The following ZDHHC24 variants were observed in gnomAD, a reference collection of about 807,000 sequenced individuals.
The protein encoded by ZDHHC24 is zDHHC palmitoyltransferase 24.
A neutral mutation model predicts 23.2 loss-of-function variants in ZDHHC24; 17 were observed. The ratio of observed to expected loss-of-function variants is 0.73; its 90% confidence interval spans 0.50 to 1.10. The LOEUF is 1.10. Among genes scored for constraint, ZDHHC24 ranks in the 50% least tolerant of loss-of-function variants. The pLI is 0.00. For missense variants in ZDHHC24, 366 were observed against 393.0 expected, an observed-to-expected ratio of 0.93 and a Z score of 0.58; for synonymous variants, 186 against 194.5, an observed-to-expected ratio of 0.96 and a Z score of 0.36.
intron 4 of ZDHHC24, chr11:66,526,039 T>C: frequency 8.3e-7 from 1 of 1,210,204 alleles, no homozygotes; most frequent in Non-Finnish European, 1.2e-6. Context: ...TCACCTATTA[T>C]ATCTGGGGCC....
At position 66,539,574 on chromosome 11, in the gene ZDHHC24, C is replaced by A; in HGVS notation, c.810G>T (p.Gly270=). 6.2e-7 allele frequency: 1 copy of A among 1,608,950 alleles called. No individual in the cohort carries two copies. The highest frequency in any genetic ancestry group is 8.5e-7 in the Non-Finnish European group (1 of 1,177,378). ...PFLASPLPGD[G]ITFQTTADVG... ...CATCTGCTGTGGTCTGGAAGGTGAT[C>A]CCATCCCCAGGCAATGGGGAGGCCA... Residue 270 remains glycine, a synonymous_variant, in exon 3 of 3, where the codon GGG becomes GGT. Coordinates refer to ENST00000310442, the MANE Select transcript of ZDHHC24 (RefSeq NM_207340.3).
At position 66,539,132 on chromosome 11, in the gene ZDHHC24, G is replaced by A. The variant is rs773395868; in HGVS notation, c.*397C>T. The stretch of plus-strand genomic sequence containing the variant: ...CCCCACCCCCAACTCACCCAGGCCA[G>A]GGGAGGTAGAGCCCCAGCCCCTGAG... On this transcript the variant is annotated 3_prime_UTR_variant, in exon 3 of 3. Coordinates refer to ENST00000310442, the MANE Select transcript of ZDHHC24 (RefSeq NM_207340.3). 11 of 694,046 alleles carry A rather than the reference G, an allele frequency of 1.6e-5. No individual in the cohort carries two copies. Among genetic ancestry groups the A allele is most frequent in the Non-Finnish European group, 1.8e-5 (10 of 559,706 alleles). The allele number at this position is 694,046 out of a possible 1,614,324, so 43.0% of individuals were successfully genotyped here. A position where few individuals can be genotyped will look rare whatever the true frequency, so the allele number is the denominator to read the frequency against.
intron 2 of ZDHHC24, among the ~76,000 whole-genome samples, chr11:66,541,712 G>A (rs1030350924): frequency 1.5e-4 from 23 of 152,278 alleles, no homozygotes; most frequent in Non-Finnish European, 2.4e-4. Context: ...CCCAGCCATC[G>A]GTGATGCCAG....
chr11:66,531,662 T>C (rs1727051374), downstream of ZDHHC24: 2 of 1,613,956 alleles, frequency 1.2e-6, no homozygotes, highest in Non-Finnish European at 1.7e-6. Context: ...TTAGGTACCC[T>C]TGCTGGTGCC....
chr11:66,530,844 G>A, downstream of ZDHHC24: 1 of 1,613,758 alleles, frequency 6.2e-7, no homozygotes, highest in African/African-American at 1.3e-5. Context: ...TGTACTCCGT[G>A]CCCAAGGCTG....
At chr11:66,527,116 C>T in intron 3 of ZDHHC24, 1 of 1,149,298 alleles carries the variant, frequency 8.7e-7, no homozygotes, top group Non-Finnish European at 1.3e-6. Context: ...GTGGCTCACG[C>T]CTGTAATCCC....
intron 4 of ZDHHC24, chr11:66,526,119 A>C: frequency 6.2e-7 from 1 of 1,614,120 alleles, no homozygotes; most frequent in South Asian, 1.1e-5. Flanking sequence ...ACGTCTCCAC[A>C]TAGGATGCAG....
intron 2 of ZDHHC24, 82 bp downstream of exon 2, chr11:66,543,622 C>A: frequency 2.8e-6 from 4 of 1,451,268 alleles, no homozygotes; most frequent in Admixed American, 2.7e-5. Flanking sequence ...CCAGAAAGCC[C>A]GTCTCCCACC....
chr11:66,540,093 CT>C (rs1857106294), intron 2 of ZDHHC24, among the ~76,000 whole-genome samples: 1 of 152,190 alleles, frequency 6.6e-6, no homozygotes, highest in African/African-American at 2.4e-5. Context: ...TAGAGGGTGT[CT>C]CTGCCCTTGG....
exon 5 of ZDHHC24, chr11:66,521,449 TGA>T: frequency 8.4e-7 from 1 of 1,194,626 alleles, no homozygotes; most frequent in Non-Finnish European, 1.2e-6. Context: ...GCTTGCAAGA[TGA>T]GAGTGGGCTT....
chr11:66,527,277 C>G (rs1441697593), intron 3 of ZDHHC24, among the ~76,000 whole-genome samples: 1 of 151,062 alleles, frequency 6.6e-6, no homozygotes, highest in Non-Finnish European at 1.5e-5. Context: ...TCCAGTTTTT[C>G]CTGCCCGTTT....
At chr11:66,524,014 T>G in intron 4 of ZDHHC24, 1 of 1,335,082 alleles carries the variant, frequency 7.5e-7, no homozygotes, top group South Asian at 1.2e-5. Flanking sequence ...GCACAGTGGC[T>G]CATGCCTGTA....
intron 4 of ZDHHC24, chr11:66,523,581 A>G: frequency 6.2e-7 from 1 of 1,614,138 alleles, no homozygotes; most frequent in Non-Finnish European, 8.5e-7. Context: ...CACAAGGTGC[A>G]GCCCCCAGCA....
intron 4 of ZDHHC24, chr11:66,526,621 A>AC: frequency 6.2e-7 from 1 of 1,614,164 alleles, no homozygotes; most frequent in Non-Finnish European, 8.5e-7. Context: ...GGGGAGGACA[A>AC]ATCCATTTCC....
At chr11:66,531,026 A>G (rs766218865), downstream of ZDHHC24, 21 of 1,613,988 alleles carry the variant, frequency 1.3e-5, no homozygotes, top group Non-Finnish European at 1.7e-5. Flanking sequence ...GGCCTTCTTC[A>G]AGGTACTGGA....
chr11:66,529,643 G>A (rs1024338737), intron 2 of ZDHHC24, among the ~76,000 whole-genome samples: 2 of 151,826 alleles, frequency 1.3e-5, no homozygotes, highest in South Asian at 2.1e-4. Context: ...AGGCCACGGC[G>A]TCGAGTTTTG....
intron 3 of ZDHHC24, chr11:66,527,129 C>T (rs1856548664): frequency 9.9e-7 from 1 of 1,009,434 alleles, no homozygotes. Flanking sequence ...GTAATCCCAA[C>T]ACTTTGGCAG....
At chr11:66,530,736 G>A (rs1196092350), downstream of ZDHHC24, among the ~76,000 whole-genome samples, 3 of 152,128 alleles carry the variant, frequency 2.0e-5, no homozygotes, top group Non-Finnish European at 4.4e-5. Flanking sequence ...GGCCTCTTCT[G>A]ATCCCTCTGC....
rs786204701 is a variant in ZDHHC24, at chr11:66,526,137, CCTTTG to C, written c.*21+794_*21+798del. On this transcript the variant is annotated intron_variant, in intron 4 of 4. Coordinates refer to the ZDHHC24 transcript ENST00000526986. ...TCTCCACATAGGATGCAGTGACCAG[CCTTTG>C]CTTTGGCCGGTACGGGCGGGAGGAC... 4 of 1,614,232 alleles carry C rather than the reference CCTTTG, an allele frequency of 2.5e-6. No individual in the cohort carries two copies. The highest frequency in any genetic ancestry group is 3.4e-6 in the Non-Finnish European group (4 of 1,180,042).
Sources: gnomAD v4.1 joint callset for allele counts (sites outside exome capture counted in the v4.1 genomes callset) on GRCh38, gnomAD v4.1.1 for gene constraint, MANE v1.5 for transcripts, NCBI Gene and HGNC (gene_info 2026-07-23, HGNC 2026-07-21) for gene names.